The following TPX2 variants were observed in gnomAD, a reference collection of about 807,000 sequenced individuals.
TPX2 encodes the protein targeting protein for Xklp2.
Under a neutral mutation model 93.6 loss-of-function variants are expected in TPX2, and 21 were observed. That is an observed-to-expected ratio of 0.22 (90% CI 0.16 to 0.32). The LOEUF is 0.32. Among genes scored for constraint, TPX2 ranks in the 10% least tolerant of loss-of-function variants. TPX2 has a pLI of 1.00. For synonymous variants in TPX2, 281 were observed against 298.3 expected, an observed-to-expected ratio of 0.94 and a Z score of 0.60; for missense variants, 776 against 871.1, an observed-to-expected ratio of 0.89 and a Z score of 1.37.
intron 13 of TPX2, 69 bp from the exon 14 acceptor site, chr20:31,793,779 T>G: frequency 7.1e-7 from 1 of 1,412,764 alleles, no homozygotes; most frequent in African/African-American, 1.4e-5. Flanking sequence ...TAATGTCTTC[T>G]GACTCCACAT....
intron 4 of TPX2, 102 bp from the exon 5 acceptor site, chr20:31,766,454 G>GGTGT (rs35700111): frequency 0.056 from 40,206 of 716,846 alleles, 940 homozygotes; most frequent in African/African-American, 0.15. Flanking sequence ...GCTTAGACAG[G>GGTGT]GTGTGTGTGT....
chr20:31,799,897 CAAAAAAAAAA>C (rs533016889), intron 17 of TPX2, among the ~76,000 whole-genome samples: 15 of 63,988 alleles, frequency 2.3e-4, no homozygotes, highest in South Asian at 7.0e-4. Context: ...GAGACTGTCT[CAAAAAAAAAA>C]AAAAAAAAAA....
At chr20:31,776,148 T>C (rs1468021242) in intron 8 of TPX2, among the ~76,000 whole-genome samples, 160 bp downstream of exon 8, 1 of 140,702 alleles carries the variant, frequency 7.1e-6, no homozygotes, top group Non-Finnish European at 1.5e-5. Flanking sequence ...TGGCGCAATC[T>C]CGGCTCACTG....
intron 12 of TPX2, 26 bp downstream of exon 12, chr20:31,783,947 C>A: frequency 6.2e-7 from 1 of 1,609,280 alleles, no homozygotes; most frequent in Non-Finnish European, 8.5e-7. Flanking sequence ...TGTGTGCTGG[C>A]AGAAGTGTAC....
chr20:31,799,841 A>T (rs1406770790), intron 17 of TPX2, among the ~76,000 whole-genome samples: 1 of 144,618 alleles, frequency 6.9e-6, no homozygotes, highest in Non-Finnish European at 1.5e-5. Flanking sequence ...CCCAGGTTGC[A>T]GTGAGCCGAT....
At chr20:31,759,975 T>A (rs1478823178) in intron 3 of TPX2, 82 bp from the exon 4 acceptor site, 13 of 1,570,448 alleles carry the variant, frequency 8.3e-6, no homozygotes. Flanking sequence ...GGTAGGGAGC[T>A]TTAGTTTGCA....
chr20:31,758,400 G>C (rs770642130), intron 3 of TPX2, among the ~76,000 whole-genome samples: 13 of 152,176 alleles, frequency 8.5e-5, no homozygotes, highest in African/African-American at 2.2e-4. Context: ...GATTACAGGC[G>C]TGAGCCACTG....
intron 2 of TPX2, among the ~76,000 whole-genome samples, chr20:31,743,452 T>A (rs1358192037): frequency 1.3e-5 from 2 of 151,970 alleles, no homozygotes; most frequent in East Asian, 3.9e-4. Flanking sequence ...TTGGGAGACT[T>A]AAATAGGAGG....
intron 7 of TPX2, among the ~76,000 whole-genome samples, chr20:31,775,372 G>A (rs1318872618): frequency 6.6e-6 from 1 of 150,426 alleles, no homozygotes; most frequent in Non-Finnish European, 1.5e-5. Flanking sequence ...GCATTTTCTT[G>A]TCTTTATTTA....
chr20:31,775,024 A>G (rs1175958824), intron 7 of TPX2, among the ~76,000 whole-genome samples: 1 of 152,062 alleles, frequency 6.6e-6, no homozygotes, highest in Non-Finnish European at 1.5e-5. Flanking sequence ...CAGTGGCGTG[A>G]TCTTAGCTCA....
At chr20:31,765,072 A>G (rs2061916095) in intron 4 of TPX2, among the ~76,000 whole-genome samples, 1 of 150,998 alleles carries the variant, frequency 6.6e-6, no homozygotes, top group Admixed American at 6.6e-5. Context: ...CTCTTGCCTC[A>G]GCCTCCTGAG....
At chr20:31,752,588 T>A (rs555624147) in intron 2 of TPX2, among the ~76,000 whole-genome samples, 17 of 152,228 alleles carry the variant, frequency 1.1e-4, no homozygotes, top group Non-Finnish European at 1.8e-4. Flanking sequence ...GATGTTAAGT[T>A]CCTTTGTGTT....
Sources: allele counts gnomAD v4.1 joint callset (sites outside exome capture counted in the v4.1 genomes callset), GRCh38; gene constraint gnomAD v4.1.1; transcripts MANE v1.5; gene names NCBI Gene and HGNC (gene_info 2026-07-23, HGNC 2026-07-21).